Variants in ENPP2 observed in about 807,000 individuals in gnomAD.
ENPP2 encodes autotaxin.
In ENPP2, 51 loss-of-function variants were observed where a neutral mutation model predicts 120.2. The ratio of observed to expected loss-of-function variants is 0.42; its 90% CI spans 0.34 to 0.54. The LOEUF (loss-of-function observed/expected upper bound fraction) is 0.54. Ranked by LOEUF, ENPP2 falls within the 20% of genes least tolerant of loss-of-function variation. The probability of loss-of-function intolerance (pLI) is 0.04; values close to 1 mark genes in which losing one functional copy is unlikely to be tolerated. For synonymous variants in ENPP2, 365 were observed against 366.4 expected, an observed-to-expected ratio of 1.00 and a Z score of 0.04; for missense variants, 920 against 1,066.5, an observed-to-expected ratio of 0.86 and a Z score of 1.91.
intron 1 of ENPP2, among the ~76,000 whole-genome samples, chr8:119,644,263 A>G (rs1344263012): frequency 6.6e-6 from 1 of 152,038 alleles, no homozygotes; most frequent in Non-Finnish European, 1.5e-5. Context: ...TAAGCCAGAC[A>G]AAAGATCATG....
chr8:119,623,003 A>G (rs1290192281), intron 3 of ENPP2, among the ~76,000 whole-genome samples: 3 of 152,196 alleles, frequency 2.0e-5, no homozygotes, highest in Non-Finnish European at 4.4e-5. Flanking sequence ...TACTCCAGGA[A>G]GTAGAATGGT....
At chr8:119,574,224 C>T (rs936293748) in intron 19 of ENPP2, among the ~76,000 whole-genome samples, 14 of 152,064 alleles carry the variant, frequency 9.2e-5, no homozygotes, top group African/African-American at 3.4e-4. Flanking sequence ...GGGGGAGCCA[C>T]CCACTGCATT....
intron 24 of ENPP2, among the ~76,000 whole-genome samples, 180 bp from the exon 25 acceptor site, chr8:119,557,871 A>ATACC (rs926088729): frequency 6.6e-6 from 1 of 152,192 alleles, no homozygotes; most frequent in Non-Finnish European, 1.5e-5. Flanking sequence ...TGTGCCACAA[A>ATACC]TACCTGCCCT....
intron 22 of ENPP2, among the ~76,000 whole-genome samples, chr8:119,566,671 C>G (rs368952352): frequency 2.0e-5 from 3 of 152,144 alleles, no homozygotes; most frequent in Non-Finnish European, 4.4e-5. Context: ...CTATGAAAGG[C>G]CTTCTCCACA....
chr8:119,597,647 T>C (rs1277876551), intron 11 of ENPP2, among the ~76,000 whole-genome samples: 1 of 152,180 alleles, frequency 6.6e-6, no homozygotes, highest in Non-Finnish European at 1.5e-5. Context: ...AAGCTCTGCC[T>C]GTAGGCCCGG....
intron 24 of ENPP2, among the ~76,000 whole-genome samples, chr8:119,560,344 C>T (rs1285939779): frequency 6.6e-6 from 1 of 152,186 alleles, no homozygotes; most frequent in African/African-American, 2.4e-5. Context: ...TTACATCCAC[C>T]TGGGGCTTTT....
At chr8:119,666,349 TG>T (rs1210600171) in intron 1 of ENPP2, among the ~76,000 whole-genome samples, 3 of 152,172 alleles carry the variant, frequency 2.0e-5, no homozygotes, top group African/African-American at 7.2e-5. Flanking sequence ...TTCATTCCAA[TG>T]GGTTACTGTA....
At chr8:119,578,026 T>A (rs1812465485) in intron 19 of ENPP2, among the ~76,000 whole-genome samples, 1 of 151,976 alleles carries the variant, frequency 6.6e-6, no homozygotes, top group Non-Finnish European at 1.5e-5. Context: ...AAGTTTGAGG[T>A]GATTGTGTGT....
At chr8:119,622,086 G>A (rs934588448) in intron 3 of ENPP2, among the ~76,000 whole-genome samples, 5 of 152,076 alleles carry the variant, frequency 3.3e-5, no homozygotes, top group Admixed American at 6.6e-5. Flanking sequence ...ATGCCATCAC[G>A]TCTGGCTAAT....
At position 119,658,985 on chromosome 8, in the gene ENPP2, T is replaced by G. The variant is rs143184631; in HGVS notation, c.21+14267A>C. On this transcript the variant is annotated intron_variant, in intron 1 of 25. Transcript: ENST00000427067. Reference sequence around the variant, plus strand: ...CAGTGGCAGCAGGGTTGCTGGGCCCTTCTACCTCCATCCCTCCCCAACCTA... The same window carrying G: ...CAGTGGCAGCAGGGTTGCTGGGCCCGTCTACCTCCATCCCTCCCCAACCTA... Among the ~76,000 whole-genome samples, 1,122 of 152,210 alleles carry G rather than the reference T, an allele frequency of 7.4e-3. 5 individuals are homozygous for G. Among genetic ancestry groups the G allele is most frequent in the Non-Finnish European group, 0.013 (912 of 68,008 alleles).
At chr8:119,659,813 T>A (rs1817871129) in intron 1 of ENPP2, among the ~76,000 whole-genome samples, 1 of 152,222 alleles carries the variant, frequency 6.6e-6, no homozygotes, top group South Asian at 2.1e-4. Flanking sequence ...GGAAAATTGC[T>A]TGTCTTGTAT....
chr8:119,644,607 T>C lies in ENPP2; in HGVS notation c.22-6080A>G, dbSNP rs569905150. On this transcript the variant is annotated intron_variant, in intron 1 of 25. Coordinates refer to the ENPP2 transcript ENST00000427067. ...ACTAAAATATATATATATATATATA[T>C]ATATATATATATATATATACACACA... Among the ~76,000 whole-genome samples, 83 of 99,870 alleles carry C rather than the reference T, an allele frequency of 8.3e-4. 2 individuals carry two copies. Among genetic ancestry groups the C allele is most frequent in the Admixed American group, 2.5e-3 (24 of 9,724 alleles). 65.5% of individuals were successfully genotyped at this position (99,870 alleles called of 152,430 possible).
At position 119,583,728 on chromosome 8, in the gene ENPP2, T is replaced by C. The variant is rs764990239; in HGVS notation, c.1532A>G (p.Asn511Ser). 3.6e-5 allele frequency: 57 copies of C among 1,566,420 alleles called. No homozygotes were observed. The Admixed American group carries it at 7.7e-4, about 21-fold the overall frequency. ...AATGAGTGACTTACCACACATAACA[T>C]TGTAAAGTTCAATGTTTTCAAATGG... ...VPPFENIELYNVMCDLLGLKP... is the reference protein window; with the variant it reads ...VPPFENIELYSVMCDLLGLKP... The change falls in exon 17 of 25, where the codon AAT (asparagine) becomes AGT (serine). Residue 511 changes from asparagine to serine, a missense_variant. By Grantham distance (46) the Asn-to-Ser change is conservative. Transcript: ENST00000075322.
chr8:119,579,055 CT>C (rs1250709163), intron 19 of ENPP2, among the ~76,000 whole-genome samples: 1 of 152,186 alleles, frequency 6.6e-6, no homozygotes, highest in African/African-American at 2.4e-5. Flanking sequence ...TGCTTGAATT[CT>C]TTCTGCATTT....
intron 7 of ENPP2, 80 bp from the exon 8 acceptor site, chr8:119,616,464 C>T (rs1482635992): frequency 1.7e-5 from 19 of 1,109,534 alleles, no homozygotes; most frequent in Non-Finnish European, 2.3e-5. Flanking sequence ...ATTTTCTTAG[C>T]ATAGAAGGTT....
chr8:119,664,790 A>C (rs1424675478), intron 1 of ENPP2, among the ~76,000 whole-genome samples: 1 of 152,154 alleles, frequency 6.6e-6, no homozygotes, highest in East Asian at 1.9e-4. Context: ...AAAATACAAA[A>C]AATAGCCGGG....
chr8:119,587,044 C>G lies in ENPP2; in HGVS notation c.1239G>C (p.Thr413=). The G allele has an allele frequency of 6.2e-7, 1 of 1,608,514 alleles. No homozygotes were observed. The highest frequency in any genetic ancestry group is 8.5e-7 in the Non-Finnish European group (1 of 1,177,858). ...AGGCGGGACAACTGGAAACACTTAC[C>G]GTGAGATTGGCAATAATGGCTTTGG... ...YDPKAIIANL[T]CKKPDQHFKP... is the part of the protein sequence containing the mutation. The change falls in exon 14 of 25, where the codon ACG becomes ACC. Residue 413 remains threonine, a splice_region_variant and synonymous_variant. Coordinates refer to ENST00000075322, the MANE Select transcript of ENPP2 (RefSeq NM_001040092.3).
chr8:119,655,607 G>A (rs1587580037), intron 1 of ENPP2, among the ~76,000 whole-genome samples: 1 of 152,192 alleles, frequency 6.6e-6, no homozygotes, highest in Non-Finnish European at 1.5e-5. Flanking sequence ...AATAATCCAT[G>A]TAGCACTAAT....
chr8:119,570,911 G>A, intron 19 of ENPP2, 70 bp from the exon 20 acceptor site: 3 of 1,035,448 alleles, frequency 2.9e-6, no homozygotes, highest in East Asian at 2.9e-5. Flanking sequence ...AAGAAATGTT[G>A]GAAGAGTCAA....
Sources: gnomAD v4.1 joint callset for allele counts (sites outside exome capture counted in the v4.1 genomes callset) on GRCh38, gnomAD v4.1.1 for gene constraint, MANE v1.5 for transcripts, NCBI Gene and HGNC (gene_info 2026-07-23, HGNC 2026-07-21) for gene names.